Variants in MAML1 observed in about 807,000 individuals in gnomAD.
MAML1 encodes the protein mastermind like transcriptional coactivator 1, also known as mastermind-like protein 1.
MAML1 carries 14 observed loss-of-function variants against 77.1 expected under a neutral mutation model. The observed-to-expected ratio is 0.18, with a 90% CI of 0.12 to 0.28. MAML1 has a LOEUF of 0.28. Ranked by LOEUF, MAML1 falls within the 10% of genes least tolerant of loss-of-function variation. MAML1 has a pLI of 1.00. For missense variants in MAML1, 1,217 were observed against 1,327.8 expected (o/e 0.92, Z 1.30); for synonymous variants, 516 against 551.9 (o/e 0.93, Z 0.91).
chr5:179,776,324 C>T lies in MAML1; in HGVS notation c.*1447C>T. ...GGAGTGTCCTATGTGAGAATTGAGCCAAGGAAAATACTCATGCAACCAGCC... is the reference window on the plus strand; with the variant it reads ...GGAGTGTCCTATGTGAGAATTGAGCTAAGGAAAATACTCATGCAACCAGCC... On this transcript the variant is annotated 3_prime_UTR_variant, in exon 5 of 5. Transcript: ENST00000292599. 1 of 985,792 alleles carries T rather than the reference C, an allele frequency of 1.0e-6. No homozygotes were observed. The highest frequency in any genetic ancestry group is 1.7e-5 in the African/African-American group (1 of 57,348). The allele number at this position is 985,792 out of a possible 1,614,324, so 61.1% of individuals were successfully genotyped here.
rs1463138429 is a variant in MAML1 at position 179,777,063 on chromosome 5, T to C, written c.*2186T>C. On this transcript the variant is annotated 3_prime_UTR_variant, in exon 5 of 5. Transcript: ENST00000292599. Reference sequence around the variant, plus strand: ...CTGTATATTTTTTACTTTTATAGATTTTAAAACTATGATCCTTTATATGTG... The same window carrying C: ...CTGTATATTTTTTACTTTTATAGATCTTAAAACTATGATCCTTTATATGTG... 1 of 984,094 alleles carries C rather than the reference T, an allele frequency of 1.0e-6. No individual in the cohort carries two copies. Among genetic ancestry groups the C allele is most frequent in the Non-Finnish European group, 1.2e-6 (1 of 828,404 alleles). 61.0% of individuals were successfully genotyped at this position (984,094 alleles called of 1,614,324 possible). A position where few individuals can be genotyped will look rare whatever the true frequency, so the allele number is the denominator to read the frequency against.
At chr5:179,739,900 C>A (rs1284177027) in intron 1 of MAML1, among the ~76,000 whole-genome samples, 1 of 152,080 alleles carries the variant, frequency 6.6e-6, no homozygotes, top group African/African-American at 2.4e-5. Flanking sequence ...CCCATGGACA[C>A]CAAGGGAACT....
intron 1 of MAML1, among the ~76,000 whole-genome samples, chr5:179,746,002 C>T (rs1779372883): frequency 6.9e-6 from 1 of 144,780 alleles, no homozygotes; most frequent in South Asian, 2.2e-4. Context: ...CCATTCCATT[C>T]CAGCCTGGGT....
intron 4 of MAML1, 123 bp from the exon 5 acceptor site, chr5:179,773,772 A>C: frequency 6.7e-7 from 1 of 1,501,044 alleles, no homozygotes; most frequent in South Asian, 1.4e-5. Context: ...TTTCTGCCCC[A>C]TGGCCCCCGG....
Position 179,733,185 on chromosome 5 carries a change from C to A in MAML1, c.73C>A (p.Arg25=). The change falls in exon 1 of 5, where the codon CGG becomes AGG. Residue 25 remains arginine, a synonymous_variant. Coordinates refer to ENST00000292599, the MANE Select transcript of MAML1 (RefSeq NM_014757.5). ...RHSAVMERLR[R]RIELCRRHHS... is the part of the protein sequence containing the mutation. Reference sequence around the variant, plus strand: ...CAGCGCGGTCATGGAGCGCCTTCGCCGGCGCATCGAGCTGTGCCGGCGCCA... The same window carrying A: ...CAGCGCGGTCATGGAGCGCCTTCGCAGGCGCATCGAGCTGTGCCGGCGCCA... The A allele has an allele frequency of 6.8e-7, 1 of 1,472,878 alleles. No individual in the cohort carries two copies. Among genetic ancestry groups the A allele is most frequent in the Non-Finnish European group, 9.0e-7 (1 of 1,115,368 alleles). 91.2% of individuals were successfully genotyped at this position (1,472,878 alleles called of 1,614,324 possible). A position where few individuals can be genotyped will look rare whatever the true frequency, so the allele number is the denominator to read the frequency against.
intron 1 of MAML1, among the ~76,000 whole-genome samples, chr5:179,740,423 A>G (rs1581923481): frequency 2.0e-5 from 3 of 151,148 alleles, no homozygotes; most frequent in Admixed American, 1.3e-4. Flanking sequence ...GGTGCCCGCC[A>G]CCACACCCGG....
rs398000090 is a variant in MAML1 at position 179,755,702 on chromosome 5, C to CTT, written c.316-9612_316-9611dup. On this transcript the variant is annotated intron_variant, in intron 1 of 4. Coordinates refer to ENST00000292599, the MANE Select transcript of MAML1 (RefSeq NM_014757.5). The stretch of plus-strand genomic sequence containing the variant: ...AACACTATGAGATTTATGCATGGAC[C>CTT]TTTTTTTTTTTTTAAGCTCATCAGC... Among the ~76,000 whole-genome samples, 12 of 142,356 alleles carry CTT rather than the reference C, an allele frequency of 8.4e-5. No homozygotes were observed. In the South Asian group the frequency reaches 1.4e-3, roughly 16 times the overall value. 93.4% of individuals were successfully genotyped at this position (142,356 alleles called of 152,430 possible).
intron 1 of MAML1, among the ~76,000 whole-genome samples, chr5:179,739,480 T>C (rs1355521458): frequency 6.6e-6 from 1 of 152,174 alleles, no homozygotes; most frequent in Non-Finnish European, 1.5e-5. Context: ...AGCTGGTGGA[T>C]TTCTTGAGCC....
chr5:179,748,222 A>G (rs1285153103), intron 1 of MAML1, among the ~76,000 whole-genome samples: 2 of 152,098 alleles, frequency 1.3e-5, no homozygotes, highest in African/African-American at 2.4e-5. Context: ...AGCTGGGACT[A>G]CAGGTGCCTG....
chr5:179,761,631 G>C (rs1255456290), intron 1 of MAML1, among the ~76,000 whole-genome samples: 1 of 152,040 alleles, frequency 6.6e-6, no homozygotes, highest in Non-Finnish European at 1.5e-5. Context: ...GGAGGCAGAG[G>C]TTGCAGTGAG....
At chr5:179,741,770 C>A (rs955994698) in intron 1 of MAML1, among the ~76,000 whole-genome samples, 5 of 151,172 alleles carry the variant, frequency 3.3e-5, no homozygotes, top group Admixed American at 3.3e-4. Flanking sequence ...TTCCATGGAA[C>A]ACTAATTTCA....
At chr5:179,753,233 G>A (rs1302990764) in intron 1 of MAML1, among the ~76,000 whole-genome samples, 1 of 151,836 alleles carries the variant, frequency 6.6e-6, no homozygotes, top group Non-Finnish European at 1.5e-5. Context: ...GCGCGCGCGC[G>A]CGCGCGTGCT....
intron 2 of MAML1, among the ~76,000 whole-genome samples, chr5:179,767,277 T>TA (rs952278998): frequency 1.3e-5 from 2 of 152,134 alleles, no homozygotes; most frequent in Non-Finnish European, 2.9e-5. Flanking sequence ...TTCGGGTTGT[T>TA]TCCTGTTTTC....
chr5:179,768,827 C>T, intron 2 of MAML1, 23 bp from the exon 3 acceptor site: 1 of 1,612,968 alleles, frequency 6.2e-7, no homozygotes, highest in Non-Finnish European at 8.5e-7. Flanking sequence ...AGAGACTTCA[C>T]AGTCCCCTAT....
intron 1 of MAML1, among the ~76,000 whole-genome samples, chr5:179,753,222 TGC>T (rs1171083663): frequency 0.06 from 1,874 of 31,424 alleles, 11 homozygotes; most frequent in Admixed American, 0.086. Context: ...TGTGTGTGTG[TGC>T]GCGCGCGCGC....
At chr5:179,740,901 A>G (rs541962532) in intron 1 of MAML1, among the ~76,000 whole-genome samples, 2 of 152,132 alleles carry the variant, frequency 1.3e-5, no homozygotes, top group African/African-American at 4.8e-5. Flanking sequence ...ATCCCTGGCC[A>G]TTTTCACTCT....
Position 179,775,302 on chromosome 5 carries a change from A to T in MAML1, c.*425A>T. The T allele has an allele frequency of 1.0e-6, 1 of 991,354 alleles. No homozygotes were observed. Among genetic ancestry groups the T allele is most frequent in the Non-Finnish European group, 1.2e-6 (1 of 834,152 alleles). The allele number at this position is 991,354 out of a possible 1,614,324, so 61.4% of individuals were successfully genotyped here. ...TGTTGAAACTTTAGATAGCAGAATTATTTGCAATTTGTAGCATAGAAAAGA... is the reference window on the plus strand; with the variant it reads ...TGTTGAAACTTTAGATAGCAGAATTTTTTGCAATTTGTAGCATAGAAAAGA... On this transcript the variant is annotated 3_prime_UTR_variant, in exon 5 of 5. Transcript: ENST00000292599.
Position 179,775,533 on chromosome 5 carries a change from C to CA in MAML1, c.*657dup, listed in dbSNP as rs1756118825. On this transcript the variant is annotated 3_prime_UTR_variant, in exon 5 of 5. Transcript: ENST00000292599. Reference sequence around the variant, plus strand: ...GTTGACTGCGTATGCCAAAAAGGGACAGGAGGCATGGGATAGCAGGTCTGG... The same window carrying CA: ...GTTGACTGCGTATGCCAAAAAGGGACAAGGAGGCATGGGATAGCAGGTCTGG... 2.8e-5 allele frequency: 28 copies of CA among 985,194 alleles called. No individual in the cohort carries two copies. The South Asian group carries it at 1.3e-3, about 45-fold the overall frequency. The allele number at this position is 985,194 out of a possible 1,614,324, so 61.0% of individuals were successfully genotyped here.
rs888045905 is a variant in MAML1 at position 179,774,228 on chromosome 5, C to T, written c.2402C>T (p.Ser801Phe). 6.2e-7 allele frequency: 1 copy of T among 1,613,290 alleles called. No homozygotes were observed. Among genetic ancestry groups the T allele is most frequent in the Non-Finnish European group, 8.5e-7 (1 of 1,179,906 alleles). The change falls in exon 5 of 5, where the codon TCT becomes TTT. Residue 801 changes from serine to phenylalanine, a missense_variant. By Grantham distance (155) the Ser-to-Phe change is radical. Transcript: ENST00000292599. ...TSVSAAYGQN[S>F]LGSSGLSQQH... Reference sequence around the variant, plus strand: ...GTCTCAGCTGCCTATGGGCAGAACTCTCTGGGAAGCTCTGGCCTCTCCCAG... The same window carrying T: ...GTCTCAGCTGCCTATGGGCAGAACTTTCTGGGAAGCTCTGGCCTCTCCCAG...
Sources: allele counts gnomAD v4.1 joint callset (sites outside exome capture counted in the v4.1 genomes callset), GRCh38; gene constraint gnomAD v4.1.1; transcripts MANE v1.5; gene names NCBI Gene and HGNC (gene_info 2026-07-23, HGNC 2026-07-21).